The following METAP1D variants were observed in gnomAD, a reference collection of about 807,000 sequenced individuals.
METAP1D encodes the protein methionine aminopeptidase 1D, mitochondrial.
Under a neutral mutation model 40.5 loss-of-function variants are expected in METAP1D, and 31 were observed. The observed-to-expected ratio is 0.77, with a 90% confidence interval of 0.58 to 1.03. The LOEUF is 1.03. Among genes scored for constraint, METAP1D ranks in the 50% least tolerant of loss-of-function variants. The pLI, the probability that METAP1D is intolerant of heterozygous loss-of-function variation, is 0.00. For missense variants in METAP1D, 411 were observed against 420.7 expected (o/e 0.98, Z 0.20); for synonymous variants, 151 against 146.4 (o/e 1.03, Z -0.22).
At chr2:172,012,328 A>G (rs1688749205) in intron 1 of METAP1D, among the ~76,000 whole-genome samples, 1 of 152,204 alleles carries the variant, frequency 6.6e-6, no homozygotes, top group Non-Finnish European at 1.5e-5. Flanking sequence ...ACATCGCCCG[A>G]GCGCAGGGGC....
chr2:172,025,665 TG>T (rs1689105618), intron 1 of METAP1D, among the ~76,000 whole-genome samples: 1 of 152,068 alleles, frequency 6.6e-6, no homozygotes, highest in African/African-American at 2.4e-5. Context: ...GAGAGAATAA[TG>T]GTATGAGTCT....
intron 6 of METAP1D, among the ~76,000 whole-genome samples, chr2:172,072,126 T>C (rs1390765092): frequency 6.6e-6 from 1 of 152,216 alleles, no homozygotes; most frequent in African/African-American, 2.4e-5. Context: ...ATAGTGTCTC[T>C]CTGTTCTTTC....
chr2:172,076,430 C>T (rs1335338695), intron 6 of METAP1D, among the ~76,000 whole-genome samples: 1 of 152,108 alleles, frequency 6.6e-6, no homozygotes, highest in Non-Finnish European at 1.5e-5. Flanking sequence ...CAAATAAAAA[C>T]ACCTTGGGAA....
intron 1 of METAP1D, among the ~76,000 whole-genome samples, chr2:172,044,897 T>A (rs11902900): frequency 0.19 from 17,018 of 88,692 alleles, 3,735 homozygotes; most frequent in East Asian, 0.53. Flanking sequence ...TCAAAAAAAA[T>A]AAATAAATAA....
intron 5 of METAP1D, among the ~76,000 whole-genome samples, chr2:172,067,053 C>G (rs1690301541): frequency 1.3e-5 from 2 of 152,074 alleles, no homozygotes; most frequent in African/African-American, 4.8e-5. Flanking sequence ...AGCCTTTTAC[C>G]ATTCTCAGAC....
At position 172,000,016 on chromosome 2, in the gene METAP1D, G is replaced by A; in HGVS notation, c.40+7G>A. The A allele has an allele frequency of 7.5e-7, 1 of 1,330,972 alleles. No individual in the cohort carries two copies. Among genetic ancestry groups the A allele is most frequent in the Admixed American group, 4.0e-5 (1 of 25,176 alleles). The allele number at this position is 1,330,972 out of a possible 1,614,324, so 82.4% of individuals were successfully genotyped here. On this transcript the variant is annotated splice_region_variant and intron_variant, in intron 1 of 9. Coordinates refer to ENST00000315796, the MANE Select transcript of METAP1D (RefSeq NM_199227.3). ...CACCTGCTCGTCCGCAGAGGTAAGC[G>A]CGTGGAGGAGAGCCCCGTGAGGGTT... is the stretch of plus-strand genomic sequence containing the variant.
chr2:172,029,023 A>G (rs1689182419), intron 1 of METAP1D, among the ~76,000 whole-genome samples: 3 of 152,242 alleles, frequency 2.0e-5, no homozygotes, highest in South Asian at 2.1e-4. Context: ...GTAGACATGC[A>G]TGGTCAAACC....
intron 1 of METAP1D, among the ~76,000 whole-genome samples, chr2:172,012,043 A>G (rs1688738711): frequency 6.6e-6 from 1 of 152,222 alleles, no homozygotes; most frequent in African/African-American, 2.4e-5. Context: ...TTTAGAGTCT[A>G]TATTATCACA....
At chr2:172,011,347 C>A (rs998123448) in intron 1 of METAP1D, among the ~76,000 whole-genome samples, 2 of 150,156 alleles carry the variant, frequency 1.3e-5, no homozygotes, top group Non-Finnish European at 3.0e-5. Flanking sequence ...TGCAGTGGCG[C>A]GATCTCGGCT....
intron 1 of METAP1D, among the ~76,000 whole-genome samples, chr2:172,042,871 A>ATATATGTACACATATACGTG (rs1689630537): frequency 1.7e-5 from 2 of 117,726 alleles, no homozygotes; most frequent in African/African-American, 5.6e-5. Flanking sequence ...ATATATGTGT[A>ATATATGTACACATATACGTG]TGTGTGTAAA....
intron 1 of METAP1D, among the ~76,000 whole-genome samples, chr2:172,059,835 G>A (rs2105472303): frequency 6.6e-6 from 1 of 152,232 alleles, no homozygotes; most frequent in South Asian, 2.1e-4. Context: ...CAGATTACGA[G>A]GTCAGGAGAT....
chr2:172,043,387 A>G lies in METAP1D; in HGVS notation c.41-18111A>G, dbSNP rs553018554. 1.5e-5 allele frequency among the ~76,000 whole-genome samples: 2 copies of G among 133,460 alleles called. 1 individual carries two copies. Among genetic ancestry groups the G allele is most frequent in the African/African-American group, 5.1e-5 (2 of 39,542 alleles). 87.6% of individuals were successfully genotyped at this position (133,460 alleles called of 152,430 possible). A position where few individuals can be genotyped will look rare whatever the true frequency, so the allele number is the denominator to read the frequency against. ...AATATTTGGGGAGAGGAAAGGTAAG[A>G]GAGGGGTGAGTTGGCAGTGATGGAA... On this transcript the variant is annotated intron_variant, in intron 1 of 9. Coordinates refer to ENST00000315796, the MANE Select transcript of METAP1D (RefSeq NM_199227.3).
chr2:172,066,345 C>T (rs756131309), intron 5 of METAP1D, 39 bp downstream of exon 5: 2 of 1,525,732 alleles, frequency 1.3e-6, no homozygotes, highest in South Asian at 1.1e-5. Flanking sequence ...TGATCAACTT[C>T]AGAATTGCTG....
chr2:172,078,132 TCTC>T (rs1249316144), intron 7 of METAP1D, among the ~76,000 whole-genome samples: 1 of 152,132 alleles, frequency 6.6e-6, no homozygotes, highest in Non-Finnish European at 1.5e-5. Context: ...CTCTCTGTCT[TCTC>T]CTGAAGGGTG....
intron 1 of METAP1D, among the ~76,000 whole-genome samples, chr2:172,038,539 G>A (rs1482007087): frequency 6.6e-6 from 1 of 152,094 alleles, no homozygotes; most frequent in Non-Finnish European, 1.5e-5. Context: ...ATTTTAATTA[G>A]CTAGGATATT....
At chr2:172,062,504 T>C (rs1690162670) in intron 2 of METAP1D, among the ~76,000 whole-genome samples, 1 of 152,210 alleles carries the variant, frequency 6.6e-6, no homozygotes, top group African/African-American at 2.4e-5. Flanking sequence ...GTGAGGTGAA[T>C]TGTATTGCTT....
At chr2:172,074,499 TATC>T (rs1306249257) in intron 6 of METAP1D, among the ~76,000 whole-genome samples, 1 of 152,308 alleles carries the variant, frequency 6.6e-6, no homozygotes, top group Non-Finnish European at 1.5e-5. Context: ...TGCAATAAAT[TATC>T]TTTTATTTCA....
chr2:172,074,075 T>A (rs1340200915), intron 6 of METAP1D, among the ~76,000 whole-genome samples: 1 of 152,228 alleles, frequency 6.6e-6, no homozygotes, highest in Non-Finnish European at 1.5e-5. Flanking sequence ...TAGGTCATAG[T>A]GTTACTAGAC....
intron 1 of METAP1D, among the ~76,000 whole-genome samples, chr2:172,034,405 T>TTG (rs377629727): frequency 0.02 from 2,809 of 142,198 alleles, 43 homozygotes; most frequent in African/African-American, 0.038. Flanking sequence ...GTCTCAGTTT[T>TTG]TGTGTGTGTG....
Sources: gnomAD v4.1 joint callset for allele counts (sites outside exome capture counted in the v4.1 genomes callset) on GRCh38, gnomAD v4.1.1 for gene constraint, MANE v1.5 for transcripts, NCBI Gene and HGNC (gene_info 2026-07-23, HGNC 2026-07-21) for gene names.